NLGN4X: variants seen among roughly 807,000 people sequenced by gnomAD.
NLGN4X encodes neuroligin-4, X-linked.
A neutral mutation model predicts 40.3 loss-of-function variants in NLGN4X; 3 were observed. The observed-to-expected ratio is 0.07, with a 90% confidence interval of 0.03 to 0.19. The LOEUF is 0.19. Ranked by LOEUF, NLGN4X falls within the 10% of genes least tolerant of loss-of-function variation. The pLI, the probability that NLGN4X is intolerant of heterozygous loss-of-function variation, is 1.00. For missense variants in NLGN4X, 382 were observed against 708.3 expected, an observed-to-expected ratio of 0.54 and a Z score of 5.23; for synonymous variants, 270 against 306.8, an observed-to-expected ratio of 0.88 and a Z score of 1.25.
chrX:5,997,203 GTATATATATC>G (rs2035842231), intron 3 of NLGN4X, among the ~76,000 whole-genome samples: 1 of 106,341 alleles, frequency 9.4e-6, no homozygotes, highest in Non-Finnish European at 1.9e-5. Flanking sequence ...ATACAAATAT[GTATATATATC>G]TATATATATA....
chrX:5,904,557 T>C (rs1387011056), intron 4 of NLGN4X, among the ~76,000 whole-genome samples: 2 of 112,326 alleles, frequency 1.8e-5, no homozygotes, highest in Non-Finnish European at 3.8e-5. Context: ...GTATATTTTA[T>C]TTTGCCACAT....
chrX:6,106,699 C>T (rs1394663405), intron 2 of NLGN4X, among the ~76,000 whole-genome samples: 5 of 112,166 alleles, frequency 4.5e-5, no homozygotes, highest in African/African-American at 1.6e-4. Flanking sequence ...CATGTCTTTT[C>T]ATGGCTTAAT....
chrX:6,156,898 A>G (rs2147723728), intron 1 of NLGN4X, among the ~76,000 whole-genome samples: 1 of 110,219 alleles, frequency 9.1e-6, no homozygotes, highest in African/African-American at 3.4e-5. Context: ...TAAAGATTGA[A>G]TATGTTTAAG....
chrX:5,977,488 C>T (rs2035213064), intron 3 of NLGN4X, among the ~76,000 whole-genome samples: 1 of 111,011 alleles, frequency 9.0e-6, no homozygotes, highest in Non-Finnish European at 1.9e-5. Context: ...TTCCCAAATG[C>T]CAGGATTACA....
intron 3 of NLGN4X, among the ~76,000 whole-genome samples, chrX:5,998,430 A>T (rs1360538053): frequency 9.5e-6 from 1 of 105,440 alleles, no homozygotes; most frequent in Non-Finnish European, 2.0e-5. Context: ...AAAAAAAAAG[A>T]TATATAATTG....
intron 2 of NLGN4X, among the ~76,000 whole-genome samples, chrX:6,059,167 A>T (rs1385981138): frequency 8.9e-6 from 1 of 111,909 alleles, no homozygotes; most frequent in Non-Finnish European, 1.9e-5. Flanking sequence ...ACATGATTTG[A>T]TTTTCTTTGC....
chrX:6,001,685 T>C (rs1264111425), intron 3 of NLGN4X, among the ~76,000 whole-genome samples: 2 of 59,967 alleles, frequency 3.3e-5, no homozygotes, highest in African/African-American at 1.3e-4. Context: ...TCAGAGTCAT[T>C]TTTTTTTTTT....
At chrX:6,179,564 T>C (rs945895082) in intron 1 of NLGN4X, among the ~76,000 whole-genome samples, 48 of 112,231 alleles carry the variant, frequency 4.3e-4, no homozygotes, top group African/African-American at 1.5e-3. Flanking sequence ...AACCTAAATG[T>C]CAGAATTTCA....
chrX:5,948,866 G>T (rs2034216640), intron 3 of NLGN4X, among the ~76,000 whole-genome samples: 1 of 111,941 alleles, frequency 8.9e-6, no homozygotes. Context: ...TCAGCTAAGG[G>T]ATAGGAAGAG....
intron 5 of NLGN4X, 52 bp from the exon 6 acceptor site, chrX:5,893,718 G>A (rs750156524): frequency 3.4e-5 from 40 of 1,184,443 alleles, no homozygotes; most frequent in Admixed American, 1.6e-4. Context: ...CACATGTGAC[G>A]TGAAATTATC....
At chrX:5,990,807 A>G (rs6639558) in intron 3 of NLGN4X, among the ~76,000 whole-genome samples, 1 of 111,193 alleles carries the variant, frequency 9.0e-6, no homozygotes, top group Non-Finnish European at 1.9e-5. Context: ...CCTCTAAGTC[A>G]GAAAAGTACC....
At chrX:5,918,036 C>T (rs535203204) in intron 3 of NLGN4X, among the ~76,000 whole-genome samples, 8 of 111,918 alleles carry the variant, frequency 7.1e-5, no homozygotes, top group East Asian at 2.8e-4. Context: ...ATGAGATTTA[C>T]GGCAAATGCT....
intron 3 of NLGN4X, among the ~76,000 whole-genome samples, chrX:6,009,505 T>C (rs1302404816): frequency 8.9e-6 from 1 of 112,586 alleles, no homozygotes; most frequent in Non-Finnish European, 1.9e-5. Flanking sequence ...TTCTTGTGTA[T>C]TATTGAGAAT....
chrX:6,102,146 T>A (rs1026305557), intron 2 of NLGN4X, among the ~76,000 whole-genome samples: 1 of 111,410 alleles, frequency 9.0e-6, no homozygotes, highest in African/African-American at 3.3e-5. Flanking sequence ...ATAATATAAT[T>A]TGATTGTTTG....
intron 1 of NLGN4X, among the ~76,000 whole-genome samples, chrX:6,215,887 T>A (rs985016946): frequency 5.9e-5 from 6 of 101,396 alleles, no homozygotes; most frequent in African/African-American, 2.4e-4. Flanking sequence ...ACTTTTTTTT[T>A]TTTTTTTGAG....
intron 2 of NLGN4X, among the ~76,000 whole-genome samples, chrX:6,042,393 T>G (rs1189022906): frequency 9.2e-6 from 1 of 108,781 alleles, no homozygotes; most frequent in Admixed American, 1.0e-4. Flanking sequence ...ATTTTACTAT[T>G]GAAATGTTTC....
At chrX:6,023,376 C>T (rs776921658) in intron 3 of NLGN4X, among the ~76,000 whole-genome samples, 2 of 112,334 alleles carry the variant, frequency 1.8e-5, no homozygotes, top group South Asian at 7.4e-4. Context: ...GTATCTTGAT[C>T]AGCAGTAAGA....
At chrX:6,208,570 C>T (rs890869003) in intron 1 of NLGN4X, among the ~76,000 whole-genome samples, 6 of 111,997 alleles carry the variant, frequency 5.4e-5, no homozygotes, top group African/African-American at 1.6e-4. Flanking sequence ...GTATACACGT[C>T]GGGGCTACTA....
At chrX:5,948,532 G>A (rs1049147780) in intron 3 of NLGN4X, among the ~76,000 whole-genome samples, 1 of 111,867 alleles carries the variant, frequency 8.9e-6, no homozygotes, top group African/African-American at 3.2e-5. Flanking sequence ...AGTGCTAAAA[G>A]TTACTTCTCG....
Sources: allele counts gnomAD v4.1 joint callset (sites outside exome capture counted in the v4.1 genomes callset), GRCh38; gene constraint gnomAD v4.1.1; transcripts MANE v1.5; gene names NCBI Gene and HGNC (gene_info 2026-07-23, HGNC 2026-07-21).